The following SEMA3D variants were observed in gnomAD, a reference collection of about 807,000 sequenced individuals.
SEMA3D encodes the protein semaphorin 3D.
In SEMA3D, 84 loss-of-function variants were observed where a neutral mutation model predicts 100.1. The ratio of observed to expected loss-of-function variants is 0.84; its 90% CI spans 0.70 to 1.01. The LOEUF (loss-of-function observed/expected upper bound fraction) is 1.01. Among genes scored for constraint, SEMA3D ranks in the 50% least tolerant of loss-of-function variants. The pLI, the probability that SEMA3D is intolerant of heterozygous loss-of-function variation, is 0.00. For synonymous variants in SEMA3D, 312 were observed against 320.7 expected (o/e 0.97, Z 0.29); for missense variants, 875 against 934.1 (o/e 0.94, Z 0.82).
chr7:85,120,750 A>AT (rs1179584333), intron 3 of SEMA3D, among the ~76,000 whole-genome samples: 1 of 152,066 alleles, frequency 6.6e-6, no homozygotes, highest in Non-Finnish European at 1.5e-5. Flanking sequence ...ATTTTTCCAG[A>AT]TAAAAACGTC....
chr7:85,028,258 A>T (rs940837739), intron 12 of SEMA3D: 2 of 696,824 alleles, frequency 2.9e-6, no homozygotes, highest in Non-Finnish European at 5.2e-6. Flanking sequence ...TGCTGTGGTC[A>T]CAGTGCCAGC....
At chr7:85,229,046 TCA>T in the SEMA3D span, among the ~76,000 whole-genome samples, 1 of 152,038 alleles carries the variant, frequency 6.6e-6, no homozygotes, top group Non-Finnish European at 1.5e-5. Context: ...AAATAAAACC[TCA>T]GTTTATCACC....
At position 84,999,116 on chromosome 7, in the gene SEMA3D, T is replaced by A. The variant is rs954157827; in HGVS notation, c.*324A>T. 1 of 331,174 alleles carries A rather than the reference T, an allele frequency of 3.0e-6. No homozygotes were observed. The highest frequency in any genetic ancestry group is 2.1e-5 in the African/African-American group (1 of 47,224). The allele number at this position is 331,174 out of a possible 1,614,324, so 20.5% of individuals were successfully genotyped here. A position where few individuals can be genotyped will look rare whatever the true frequency, so the allele number is the denominator to read the frequency against. ...CGAGGGAATAAAGCACCTTATACAC[T>A]ATCAAATTCGGGGCTTGCTTAGCTC... On this transcript the variant is annotated 3_prime_UTR_variant, in exon 19 of 19. Transcript: ENST00000284136.
At chr7:85,189,608 T>A (rs564409272), upstream of SEMA3D, among the ~76,000 whole-genome samples, 66 of 152,272 alleles carry the variant, frequency 4.3e-4, no homozygotes, top group African/African-American at 1.4e-3. Context: ...ATATCATCAG[T>A]TAAAACCACC....
At chr7:85,242,998 T>C in the SEMA3D span, among the ~76,000 whole-genome samples, 1 of 152,088 alleles carries the variant, frequency 6.6e-6, no homozygotes, top group Non-Finnish European at 1.5e-5. Context: ...TTATATAGTT[T>C]TACGGATAGG....
chr7:85,147,332 C>A (rs777482591), intron 2 of SEMA3D, among the ~76,000 whole-genome samples: 3 of 151,834 alleles, frequency 2.0e-5, no homozygotes, highest in Admixed American at 6.6e-5. Context: ...AAATGCCTGA[C>A]CTCAAGTGAT....
chr7:85,088,550 T>C (rs114790454), intron 4 of SEMA3D, among the ~76,000 whole-genome samples: 2,457 of 152,300 alleles, frequency 0.016, 62 homozygotes, highest in African/African-American at 0.055. Flanking sequence ...CTCTGAATGC[T>C]ATATGATACA....
chr7:85,034,256 T>C (rs1414406594), intron 12 of SEMA3D, among the ~76,000 whole-genome samples: 2 of 151,968 alleles, frequency 1.3e-5, no homozygotes, highest in Non-Finnish European at 2.9e-5. Context: ...TATAAGTAAA[T>C]GAAATGAGTA....
chr7:85,135,073 A>G (rs192706296), intron 2 of SEMA3D, among the ~76,000 whole-genome samples: 15 of 151,960 alleles, frequency 9.9e-5, no homozygotes, highest in Non-Finnish European at 1.9e-4. Context: ...CCACGAGATA[A>G]TGGTGAGAAT....
At chr7:85,214,292 C>A in the SEMA3D span, among the ~76,000 whole-genome samples, 1 of 152,208 alleles carries the variant, frequency 6.6e-6, no homozygotes, top group African/African-American at 2.4e-5. Context: ...CACTAGTCAT[C>A]ATTGGAAAAT....
chr7:85,118,254 T>G (rs1012089024), intron 3 of SEMA3D, among the ~76,000 whole-genome samples: 1 of 152,188 alleles, frequency 6.6e-6, no homozygotes. Flanking sequence ...TTCCTTTTGA[T>G]ATCGTTTTCT....
intron 1 of SEMA3D, among the ~76,000 whole-genome samples, chr7:85,168,469 C>T (rs1227653637): frequency 1.3e-5 from 2 of 151,716 alleles, no homozygotes; most frequent in Non-Finnish European, 2.9e-5. Flanking sequence ...AATTAGTTGT[C>T]AACCTCACTA....
chr7:85,071,253 A>G (rs1238289868), intron 6 of SEMA3D, among the ~76,000 whole-genome samples: 1 of 152,196 alleles, frequency 6.6e-6, no homozygotes, highest in African/African-American at 2.4e-5. Flanking sequence ...ACATTACACC[A>G]CCAACAAAGA....
the SEMA3D span, among the ~76,000 whole-genome samples, chr7:85,225,053 TATA>T: frequency 0.028 from 48 of 1,722 alleles, no homozygotes; most frequent in Non-Finnish European, 0.056. Flanking sequence ...TTTTCTTTTA[TATA>T]TATATATATA....
At chr7:85,233,585 A>G in the SEMA3D span, among the ~76,000 whole-genome samples, 1 of 152,240 alleles carries the variant, frequency 6.6e-6, no homozygotes, top group African/African-American at 2.4e-5. Context: ...TTACCTGGAC[A>G]GCAAGTCTCC....
chr7:85,110,430 T>C (rs1789060678), intron 3 of SEMA3D, among the ~76,000 whole-genome samples: 1 of 151,954 alleles, frequency 6.6e-6, no homozygotes, highest in Non-Finnish European at 1.5e-5. Flanking sequence ...TGGATTTCTG[T>C]TTCCAAATCT....
intron 9 of SEMA3D, among the ~76,000 whole-genome samples, chr7:85,052,006 C>T (rs925849047): frequency 4.0e-5 from 6 of 151,842 alleles, no homozygotes; most frequent in Admixed American, 1.3e-4. Flanking sequence ...AGAATATTAC[C>T]GTCATTATAA....
intron 1 of SEMA3D, chr7:85,181,879 A>T: frequency 3.6e-6 from 1 of 278,822 alleles, no homozygotes; most frequent in Non-Finnish European, 5.4e-6. Flanking sequence ...TGATGGATTG[A>T]AAATCATCAA....
intron 2 of SEMA3D, chr7:85,151,763 A>G: frequency 1.2e-6 from 1 of 849,638 alleles, no homozygotes. Flanking sequence ...GACCTGAAGT[A>G]GAACTTAAAC....
Sources: gnomAD v4.1 joint callset for allele counts (sites outside exome capture counted in the v4.1 genomes callset) on GRCh38, gnomAD v4.1.1 for gene constraint, MANE v1.5 for transcripts, NCBI Gene and HGNC (gene_info 2026-07-23, HGNC 2026-07-21) for gene names.